Variants in GLG1 observed in about 807,000 individuals in gnomAD.
GLG1 encodes the protein golgi glycoprotein 1.
GLG1 carries 38 observed loss-of-function variants against 160.5 expected under a neutral mutation model. The ratio of observed to expected loss-of-function variants is 0.24; its 90% CI spans 0.18 to 0.31. The LOEUF is 0.31. Ranked by LOEUF, GLG1 falls within the 10% of genes least tolerant of loss-of-function variation. The pLI, the probability that GLG1 is intolerant of heterozygous loss-of-function variation, is 1.00. For missense variants in GLG1, 1,373 were observed against 1,505.2 expected, an observed-to-expected ratio of 0.91 and a Z score of 1.45; for synonymous variants, 644 against 543.4, an observed-to-expected ratio of 1.19 and a Z score of -2.57.
At chr16:74,457,738 C>G in intron 24 of GLG1, 136 bp downstream of exon 24, 1 of 709,022 alleles carries the variant, frequency 1.4e-6, no homozygotes, top group Admixed American at 2.6e-5. Flanking sequence ...ACCCAGGTCC[C>G]CAGGGAATGT....
chr16:74,486,449 T>C (rs574853159), intron 8 of GLG1, among the ~76,000 whole-genome samples: 11 of 152,360 alleles, frequency 7.2e-5, no homozygotes, highest in East Asian at 5.8e-4. Context: ...AACAGGATTA[T>C]GGTATTTATA....
At chr16:74,526,084 C>CGA (rs1211456286) in intron 2 of GLG1, among the ~76,000 whole-genome samples, 1 of 152,020 alleles carries the variant, frequency 6.6e-6, no homozygotes, top group Non-Finnish European at 1.5e-5. Flanking sequence ...AACAATTTTC[C>CGA]GAGAGAGAAG....
At chr16:74,476,482 T>G (rs1408646713) in intron 12 of GLG1, among the ~76,000 whole-genome samples, 1 of 152,210 alleles carries the variant, frequency 6.6e-6, no homozygotes. Context: ...CCAATTCCTG[T>G]ACGTGTGACT....
At chr16:74,574,398 G>A (rs566319650) in intron 1 of GLG1, among the ~76,000 whole-genome samples, 8 of 152,056 alleles carry the variant, frequency 5.3e-5, no homozygotes, top group Non-Finnish European at 1.0e-4. Flanking sequence ...AACAGATAGG[G>A]ATACTGCATT....
chr16:74,451,891 A>C lies in GLG1; in HGVS notation c.*1276T>G. 1.7e-6 allele frequency: 1 copy of C among 602,084 alleles called. No homozygotes were observed. The allele number at this position is 602,084 out of a possible 1,614,324, so 37.3% of individuals were successfully genotyped here. ...AAAGGTTGATGAATCGCCAAAATAC[A>C]ACATTTAGCCAATGCCTACTAGAGT... On this transcript the variant is annotated 3_prime_UTR_variant, in exon 26 of 26. Transcript: ENST00000422840.
At chr16:74,487,080 A>G (rs1476711448) in intron 8 of GLG1, among the ~76,000 whole-genome samples, 1 of 152,026 alleles carries the variant, frequency 6.6e-6, no homozygotes, top group Non-Finnish European at 1.5e-5. Flanking sequence ...CTCCCGGCTA[A>G]CTTTTGTATT....
At chr16:74,532,832 CAAT>C (rs2017582309) in intron 1 of GLG1, among the ~76,000 whole-genome samples, 1 of 152,122 alleles carries the variant, frequency 6.6e-6, no homozygotes, top group Admixed American at 6.5e-5. Context: ...CAGCCCCCAT[CAAT>C]GATTTTTAAA....
chr16:74,602,258 T>A (rs532585117), intron 1 of GLG1, among the ~76,000 whole-genome samples: 1 of 152,308 alleles, frequency 6.6e-6, no homozygotes, highest in Non-Finnish European at 1.5e-5. Flanking sequence ...AAATTTATAA[T>A]CTGAGACTGA....
intron 23 of GLG1, among the ~76,000 whole-genome samples, chr16:74,459,375 G>A (rs2014692294): frequency 1.3e-5 from 2 of 152,168 alleles, no homozygotes; most frequent in Admixed American, 6.6e-5. Flanking sequence ...CTACTTGGGA[G>A]GCTGAGGCAG....
Position 74,462,639 on chromosome 16 carries a change from G to C in GLG1, c.2792-9C>G, listed in dbSNP as rs749030803. The C allele has an allele frequency of 5.0e-6, 8 of 1,613,640 alleles. No individual in the cohort carries two copies. In the South Asian group the frequency reaches 6.6e-5, roughly 13 times the overall value. On this transcript the variant is annotated splice_polypyrimidine_tract_variant and intron_variant, in intron 20 of 25. Transcript: ENST00000422840. Reference sequence around the variant, plus strand: ...GGGGTTTAAGCGGTAATCTAGAGTAGAAAGCAGTGAGCATGTGACAAAACA... The same window carrying C: ...GGGGTTTAAGCGGTAATCTAGAGTACAAAGCAGTGAGCATGTGACAAAACA...
In GLG1 at chr16:74,503,270, A is replaced by G. The variant is rs146492083; in HGVS notation, c.774+261T>C. 2.4e-3 allele frequency among the ~76,000 whole-genome samples: 367 copies of G among 152,228 alleles called. 1 individual carries two copies. Among genetic ancestry groups the G allele is most frequent in the African/African-American group, 8.0e-3 (334 of 41,558 alleles). On this transcript the variant is annotated intron_variant, in intron 4 of 25. Coordinates refer to ENST00000422840, the MANE Select transcript of GLG1 (RefSeq NM_001145667.2). ...CAGAGGCACATTACAGGTAACCAGCAGCTGGTCTAATATTGTGAAGATAAC... is the reference window on the plus strand; with the variant it reads ...CAGAGGCACATTACAGGTAACCAGCGGCTGGTCTAATATTGTGAAGATAAC...
At chr16:74,583,070 C>T (rs1166667901) in intron 1 of GLG1, among the ~76,000 whole-genome samples, 1 of 152,048 alleles carries the variant, frequency 6.6e-6, no homozygotes, top group Non-Finnish European at 1.5e-5. Context: ...CTTCTTGTAA[C>T]TCCCAACCAC....
chr16:74,533,622 A>G (rs1403263080), intron 1 of GLG1, among the ~76,000 whole-genome samples: 7 of 151,580 alleles, frequency 4.6e-5, no homozygotes, highest in Admixed American at 2.6e-4. Context: ...CTCCAGTAAA[A>G]ATACAAAAAT....
At chr16:74,459,645 A>T in intron 23 of GLG1, 37 bp downstream of exon 23, 2 of 1,051,880 alleles carry the variant, frequency 1.9e-6, no homozygotes, top group Non-Finnish European at 2.9e-6. Flanking sequence ...AAAAAAAAAA[A>T]GAAATGAAGT....
At chr16:74,506,795 A>G (rs952221250) in intron 3 of GLG1, among the ~76,000 whole-genome samples, 6 of 152,122 alleles carry the variant, frequency 3.9e-5, no homozygotes, top group Admixed American at 3.9e-4. Flanking sequence ...TCTGCTGGAT[A>G]GCACTTTTTC....
At chr16:74,519,175 G>A (rs948521348) in intron 2 of GLG1, among the ~76,000 whole-genome samples, 1 of 152,186 alleles carries the variant, frequency 6.6e-6, no homozygotes, top group Non-Finnish European at 1.5e-5. Context: ...ATGAGTTCAT[G>A]TCTTTTGCAG....
intron 3 of GLG1, among the ~76,000 whole-genome samples, chr16:74,504,948 G>C (rs1325935845): frequency 2.0e-5 from 3 of 152,326 alleles, no homozygotes; most frequent in Admixed American, 1.3e-4. Context: ...ACAGAGAAGG[G>C]TGTTTGGAAA....
rs765450898 is a variant in GLG1, at chr16:74,477,483, G to A, written c.1878C>T (p.Ala626=). The stretch of plus-strand genomic sequence containing the variant: ...GGGCAGGATCCAGCTTGACATCCAT[G>A]GCACGCTGGTGTAGGATCCTTTGGA... ...AEVQRILHQR[A]MDVKLDPALQ... is the part of the protein sequence containing the mutation. The change falls in exon 12 of 26, where the codon GCC becomes GCT. Residue 626 remains alanine, a synonymous_variant. Transcript: ENST00000422840. The A allele has an allele frequency of 1.1e-5, 17 of 1,612,282 alleles. No individual in the cohort carries two copies. Among genetic ancestry groups the A allele is most frequent in the Non-Finnish European group, 2.5e-6 (3 of 1,178,394 alleles).
chr16:74,457,859 AAC>A lies in GLG1; in HGVS notation c.3265+13_3265+14del. 2 of 1,613,154 alleles carry A rather than the reference AAC, an allele frequency of 1.2e-6. No individual in the cohort carries two copies. The highest frequency in any genetic ancestry group is 8.5e-7 in the Non-Finnish European group (1 of 1,179,470). The stretch of plus-strand genomic sequence containing the variant: ...GAGAGTTCAGACAGGATCAAGAGTG[AAC>A]ACAGAGACTTACGACGCCCGCGGCC... On this transcript the variant is annotated intron_variant, in intron 24 of 25. Coordinates refer to ENST00000422840, the MANE Select transcript of GLG1 (RefSeq NM_001145667.2).
Sources: allele counts gnomAD v4.1 joint callset (sites outside exome capture counted in the v4.1 genomes callset), GRCh38; gene constraint gnomAD v4.1.1; transcripts MANE v1.5; gene names NCBI Gene and HGNC (gene_info 2026-07-23, HGNC 2026-07-21).